UBE2R2: variants seen among roughly 807,000 people sequenced by gnomAD.
UBE2R2 encodes ubiquitin conjugating enzyme E2 R2, also known as ubiquitin-conjugating enzyme E2 R2.
In UBE2R2, 1 loss-of-function variant was observed where a neutral mutation model predicts 27.8. The observed-to-expected ratio is 0.04, with a 90% confidence interval of 0.01 to 0.17. The LOEUF is 0.17. Ranked by LOEUF, UBE2R2 falls within the 10% of genes least tolerant of loss-of-function variation. The probability of loss-of-function intolerance (pLI) is 1.00; values close to 1 mark genes in which losing one functional copy is unlikely to be tolerated. For missense variants in UBE2R2, 100 were observed against 291.0 expected (o/e 0.34, Z 4.78); for synonymous variants, 106 against 113.3 (o/e 0.94, Z 0.41).
intron 1 of UBE2R2, among the ~76,000 whole-genome samples, chr9:33,875,803 C>G (rs1821590744): frequency 6.6e-6 from 1 of 152,184 alleles, no homozygotes; most frequent in South Asian, 2.1e-4. Flanking sequence ...AGTCAAGAAT[C>G]ATGCCAGGGC....
At chr9:33,880,300 T>C (rs1182725111) in intron 1 of UBE2R2, among the ~76,000 whole-genome samples, 1 of 152,196 alleles carries the variant, frequency 6.6e-6, no homozygotes, top group African/African-American at 2.4e-5. Context: ...GCTTTAGGTG[T>C]ATGTTACAGA....
intron 2 of UBE2R2, among the ~76,000 whole-genome samples, chr9:33,887,257 T>G (rs1423486926): frequency 6.6e-6 from 1 of 152,244 alleles, no homozygotes; most frequent in Non-Finnish European, 1.5e-5. Flanking sequence ...CATGTGCATT[T>G]AAAAATTTAG....
intron 3 of UBE2R2, among the ~76,000 whole-genome samples, chr9:33,908,741 G>T (rs1822419545): frequency 6.6e-6 from 1 of 152,136 alleles, no homozygotes; most frequent in South Asian, 2.1e-4. Flanking sequence ...AGTACTTGTG[G>T]GAATTTTTTC....
intron 4 of UBE2R2, among the ~76,000 whole-genome samples, chr9:33,915,541 GA>G (rs1239166558): frequency 6.6e-6 from 1 of 152,180 alleles, no homozygotes; most frequent in African/African-American, 2.4e-5. Context: ...GGCAACAGAA[GA>G]AAAGCTTCAA....
Position 33,817,693 on chromosome 9 carries a change from C to T in UBE2R2, c.-65C>T. On this transcript the variant is annotated 5_prime_UTR_variant, in exon 1 of 5. Coordinates refer to ENST00000263228, the MANE Select transcript of UBE2R2 (RefSeq NM_017811.4). ...GGCGAGCGGAGGGGAGGGGCCTGGT[C>T]CGGCCCGGCCGGTGCGTGAGGACTG... 2 of 1,302,184 alleles carry T rather than the reference C, an allele frequency of 1.5e-6. No individual in the cohort carries two copies. Among genetic ancestry groups the T allele is most frequent in the East Asian group, 3.7e-5 (1 of 27,016 alleles). The allele number at this position is 1,302,184 out of a possible 1,614,324, so 80.7% of individuals were successfully genotyped here. A position where few individuals can be genotyped will look rare whatever the true frequency, so the allele number is the denominator to read the frequency against.
intron 3 of UBE2R2, among the ~76,000 whole-genome samples, chr9:33,903,075 G>C (rs1268757346): frequency 2.6e-5 from 4 of 151,898 alleles, no homozygotes; most frequent in Admixed American, 2.6e-4. Context: ...CTCCAGCCTG[G>C]GCAACAAGAG....
intron 1 of UBE2R2, among the ~76,000 whole-genome samples, chr9:33,841,917 C>A (rs1375181722): frequency 6.6e-6 from 1 of 152,000 alleles, no homozygotes; most frequent in Non-Finnish European, 1.5e-5. Context: ...TCCTCATCAC[C>A]CCCCGACATC....
intron 1 of UBE2R2, among the ~76,000 whole-genome samples, chr9:33,861,152 G>C (rs1821226170): frequency 6.6e-6 from 1 of 150,756 alleles, no homozygotes; most frequent in Non-Finnish European, 1.5e-5. Context: ...AGTAGATAGG[G>C]GGTTTCACTG....
intron 1 of UBE2R2, among the ~76,000 whole-genome samples, chr9:33,850,514 C>T (rs1344885687): frequency 6.6e-6 from 1 of 152,008 alleles, no homozygotes. Context: ...GTTTGATGCC[C>T]TCTGCAATAC....
At position 33,833,164 on chromosome 9, in the gene UBE2R2, A is replaced by G. The variant is rs1820536142; in HGVS notation, c.177+15230A>G. Among the ~76,000 whole-genome samples the G allele has an allele frequency of 2.0e-5, 3 of 152,182 alleles. No homozygotes were observed. In the South Asian group the frequency reaches 6.2e-4, roughly 32 times the overall value. On this transcript the variant is annotated intron_variant, in intron 1 of 4. Coordinates refer to ENST00000263228, the MANE Select transcript of UBE2R2 (RefSeq NM_017811.4). ...AGTGAAACCTCCGCCTCCTGGGTTCAAGTGATTCTCCTGCCTCAGCCTCCC... is the reference window on the plus strand; with the variant it reads ...AGTGAAACCTCCGCCTCCTGGGTTCGAGTGATTCTCCTGCCTCAGCCTCCC...
At chr9:33,822,869 A>G (rs898488099) in intron 1 of UBE2R2, among the ~76,000 whole-genome samples, 4 of 144,648 alleles carry the variant, frequency 2.8e-5, no homozygotes. Flanking sequence ...TCATTTAGAT[A>G]TTTTATTTCT....
Position 33,886,986 on chromosome 9 carries a change from TA to T in UBE2R2, c.264+22del. 1.3e-6 allele frequency: 2 copies of T among 1,572,026 alleles called. No homozygotes were observed. Among genetic ancestry groups the T allele is most frequent in the Non-Finnish European group, 1.7e-6 (2 of 1,165,770 alleles). On this transcript the variant is annotated intron_variant, in intron 2 of 4. Coordinates refer to ENST00000263228, the MANE Select transcript of UBE2R2 (RefSeq NM_017811.4). The stretch of plus-strand genomic sequence containing the variant: ...TTATGAGGTAAGGAGACATCCATCA[TA>T]AATTTCTCTGAAGATTTTTTTTTTT...
In UBE2R2 at chr9:33,888,828, C is replaced by G. The variant is rs553458176; in HGVS notation, c.264+1861C>G. 1.1e-3 allele frequency among the ~76,000 whole-genome samples: 168 copies of G among 152,210 alleles called. 1 individual carries two copies. The highest frequency in any genetic ancestry group is 3.9e-3 in the African/African-American group (161 of 41,528). On this transcript the variant is annotated intron_variant, in intron 2 of 4. Transcript: ENST00000263228. ...ACCATGCCCGGCCACCTTTAAATTG[C>G]TTTTAGGCAAGAAATGGAGAACTCG...
intron 4 of UBE2R2, among the ~76,000 whole-genome samples, chr9:33,914,503 T>A (rs933518462): frequency 6.6e-6 from 1 of 152,046 alleles, no homozygotes; most frequent in Non-Finnish European, 1.5e-5. Flanking sequence ...ACTTAAATAT[T>A]TTTGGGAGGG....
intron 2 of UBE2R2, among the ~76,000 whole-genome samples, chr9:33,896,326 G>A (rs1210724713): frequency 6.6e-6 from 1 of 151,950 alleles, no homozygotes; most frequent in Non-Finnish European, 1.5e-5. Context: ...GAAATTTCCA[G>A]TACAATGTTA....
rs541354260 is a variant in UBE2R2, at chr9:33,817,732, GCGCCGCCGCCGC to G, written c.-13_-2del. Reference sequence around the variant, plus strand: ...GCGTGAGGACTGGGGCCCGGGCCCGGCGCCGCCGCCGCCGCCGCCGCCGCGATGGCCCAGCAG... The same window carrying G: ...GCGTGAGGACTGGGGCCCGGGCCCGGCGCCGCCGCCGCGATGGCCCAGCAG... On this transcript the variant is annotated 5_prime_UTR_variant, in exon 1 of 5. Transcript: ENST00000263228. 14 of 1,489,086 alleles carry G rather than the reference GCGCCGCCGCCGC, an allele frequency of 9.4e-6. 1 individual carries two copies. In the Admixed American group the frequency reaches 1.4e-4, roughly 14 times the overall value. The allele number at this position is 1,489,086 out of a possible 1,614,324, so 92.2% of individuals were successfully genotyped here.
At chr9:33,902,476 A>AT (rs1229193147) in intron 3 of UBE2R2, among the ~76,000 whole-genome samples, 3 of 152,184 alleles carry the variant, frequency 2.0e-5, no homozygotes, top group African/African-American at 7.2e-5. Flanking sequence ...TGCAGCTATT[A>AT]TTTTCAAGGA....
chr9:33,855,982 T>C (rs1821092003), intron 1 of UBE2R2, among the ~76,000 whole-genome samples: 1 of 152,088 alleles, frequency 6.6e-6, no homozygotes, highest in African/African-American at 2.4e-5. Context: ...TGCTTGAGCC[T>C]GGGAGGTTGA....
chr9:33,819,631 A>G (rs916850329), intron 1 of UBE2R2, among the ~76,000 whole-genome samples: 6 of 146,602 alleles, frequency 4.1e-5, no homozygotes, highest in Non-Finnish European at 5.9e-5. Flanking sequence ...AATTGAATGT[A>G]TGTGATACCT....
Sources: allele counts gnomAD v4.1 joint callset (sites outside exome capture counted in the v4.1 genomes callset), GRCh38; gene constraint gnomAD v4.1.1; transcripts MANE v1.5; gene names NCBI Gene and HGNC (gene_info 2026-07-23, HGNC 2026-07-21).